ZBTB20: variants seen among roughly 807,000 people sequenced by gnomAD.
ZBTB20 encodes zinc finger and BTB domain-containing protein 20.
Under a neutral mutation model 56.9 loss-of-function variants are expected in ZBTB20, and 9 were observed. The ratio of observed to expected loss-of-function variants is 0.16; its 90% CI spans 0.10 to 0.28. The LOEUF (loss-of-function observed/expected upper bound fraction) is 0.28, where lower values mean the gene tolerates loss of function less well. Ranked by LOEUF, ZBTB20 falls within the 10% of genes least tolerant of loss-of-function variation. The pLI is 1.00. For missense variants in ZBTB20, 655 were observed against 1,003.0 expected (o/e 0.65, Z 4.69); for synonymous variants, 417 against 420.7 (o/e 0.99, Z 0.11).
chr3:114,913,284 A>G (rs1175004256), intron 3 of ZBTB20, among the ~76,000 whole-genome samples: 2 of 151,846 alleles, frequency 1.3e-5, no homozygotes, highest in Middle Eastern at 3.4e-3. Flanking sequence ...TTTTAACGGG[A>G]GTTAGATGAT....
intron 7 of ZBTB20, among the ~76,000 whole-genome samples, chr3:114,468,535 A>C (rs981841697): frequency 6.6e-6 from 1 of 152,176 alleles, no homozygotes; most frequent in African/African-American, 2.4e-5. Context: ...ATAGTTTAGT[A>C]ATCTGCATTC....
chr3:114,437,370 G>A (rs1172425836), intron 7 of ZBTB20, among the ~76,000 whole-genome samples: 3 of 152,148 alleles, frequency 2.0e-5, no homozygotes, highest in South Asian at 4.1e-4. Context: ...TGGTTGAGGT[G>A]AGAGTAGCTT....
At chr3:114,349,489 T>A (rs1287002503) in intron 11 of ZBTB20, among the ~76,000 whole-genome samples, 1 of 152,212 alleles carries the variant, frequency 6.6e-6, no homozygotes, top group Non-Finnish European at 1.5e-5. Context: ...ACAAAATCCC[T>A]AAAAATGTTC....
At chr3:114,860,837 A>C (rs144702655) in intron 4 of ZBTB20, among the ~76,000 whole-genome samples, 1 of 152,346 alleles carries the variant, frequency 6.6e-6, no homozygotes, top group Non-Finnish European at 1.5e-5. Context: ...GACAGAAGGC[A>C]TTTTACTCTT....
At chr3:114,821,135 G>C (rs924540440) in intron 4 of ZBTB20, among the ~76,000 whole-genome samples, 9 of 152,104 alleles carry the variant, frequency 5.9e-5, no homozygotes, top group African/African-American at 1.7e-4. Context: ...AAAAATAGCT[G>C]CCAAAGTCAA....
chr3:114,612,527 G>A (rs1053055294), intron 6 of ZBTB20, among the ~76,000 whole-genome samples: 7 of 151,964 alleles, frequency 4.6e-5, no homozygotes, highest in African/African-American at 9.7e-5. Context: ...GTCCAAAAGA[G>A]GATGACAATA....
intron 6 of ZBTB20, among the ~76,000 whole-genome samples, chr3:114,501,474 A>C (rs1055800666): frequency 6.6e-6 from 1 of 151,542 alleles, no homozygotes; most frequent in Non-Finnish European, 1.5e-5. Context: ...AAAACTACAA[A>C]AATTAGCCAG....
intron 6 of ZBTB20, among the ~76,000 whole-genome samples, chr3:114,681,208 G>A (rs1281431939): frequency 3.6e-5 from 5 of 137,264 alleles, no homozygotes; most frequent in Non-Finnish European, 7.7e-5. Context: ...AACCCAGATT[G>A]CAGTGCAGTG....
intron 5 of ZBTB20, among the ~76,000 whole-genome samples, chr3:114,735,197 GATAA>G (rs536877742): frequency 4.0e-5 from 6 of 151,848 alleles, no homozygotes; most frequent in African/African-American, 4.8e-5. Flanking sequence ...TATTCAATAT[GATAA>G]ATAATCTGAA....
intron 6 of ZBTB20, among the ~76,000 whole-genome samples, chr3:114,667,540 A>T (rs1438508867): frequency 6.6e-6 from 1 of 152,032 alleles, no homozygotes; most frequent in Non-Finnish European, 1.5e-5. Flanking sequence ...GAATTGGGTA[A>T]GACATCATTT....
At chr3:114,742,172 G>A (rs1008391867) in intron 5 of ZBTB20, among the ~76,000 whole-genome samples, 1 of 152,058 alleles carries the variant, frequency 6.6e-6, no homozygotes, top group African/African-American at 2.4e-5. Flanking sequence ...TATGACAAGT[G>A]GATTTGTTGT....
chr3:114,655,242 C>CCTTTT (rs2060336435), intron 6 of ZBTB20, among the ~76,000 whole-genome samples: 1 of 91,676 alleles, frequency 1.1e-5, no homozygotes, highest in South Asian at 3.6e-4. Flanking sequence ...TTTTCCTTTC[C>CCTTTT]TTTTTTTTTT....
At chr3:114,492,215 A>T (rs1255074718) in intron 7 of ZBTB20, among the ~76,000 whole-genome samples, 1 of 152,114 alleles carries the variant, frequency 6.6e-6, no homozygotes, top group Non-Finnish European at 1.5e-5. Context: ...CAACAGATTC[A>T]TTTACCACTA....
At chr3:114,672,536 T>G (rs1450446231) in intron 6 of ZBTB20, among the ~76,000 whole-genome samples, 1 of 152,086 alleles carries the variant, frequency 6.6e-6, no homozygotes, top group African/African-American at 2.4e-5. Flanking sequence ...AAGATGATGG[T>G]CTTCTCCATC....
chr3:114,869,313 T>C (rs933205245), intron 4 of ZBTB20, among the ~76,000 whole-genome samples: 63 of 152,180 alleles, frequency 4.1e-4, no homozygotes, highest in African/African-American at 1.4e-3. Flanking sequence ...TGGTAGTTTT[T>C]CATTCCCAAT....
At chr3:114,915,908 G>A (rs2075725001) in intron 3 of ZBTB20, among the ~76,000 whole-genome samples, 1 of 151,696 alleles carries the variant, frequency 6.6e-6, no homozygotes, top group Non-Finnish European at 1.5e-5. Context: ...TTATTCCATG[G>A]TGATCAGAGA....
At chr3:114,393,856 A>G (rs886326134) in intron 7 of ZBTB20, among the ~76,000 whole-genome samples, 1 of 152,198 alleles carries the variant, frequency 6.6e-6, no homozygotes, top group Non-Finnish European at 1.5e-5. Context: ...AGAGGCGAAC[A>G]GACAGTAGGT....
chr3:114,643,367 A>C (rs992094194), intron 6 of ZBTB20, among the ~76,000 whole-genome samples: 1 of 152,138 alleles, frequency 6.6e-6, no homozygotes, highest in Non-Finnish European at 1.5e-5. Context: ...AGTTCTAATA[A>C]GGAACAAAGA....
intron 6 of ZBTB20, chr3:114,658,553 A>G (rs1213734282): frequency 6.6e-6 from 1 of 152,182 alleles, no homozygotes; most frequent in Non-Finnish European, 1.5e-5. Flanking sequence ...AAGAATATAC[A>G]TCACCTATTA....
Sources: allele counts gnomAD v4.1 joint callset (sites outside exome capture counted in the v4.1 genomes callset), GRCh38; gene constraint gnomAD v4.1.1; transcripts MANE v1.5; gene names NCBI Gene and HGNC (gene_info 2026-07-23, HGNC 2026-07-21).